MCC: variants seen among roughly 807,000 people sequenced by gnomAD.
MCC encodes colorectal mutant cancer protein.
A neutral mutation model predicts 116.2 loss-of-function variants in MCC; 90 were observed. The ratio of observed to expected loss-of-function variants is 0.77; its 90% CI spans 0.65 to 0.92. MCC has a LOEUF of 0.92. Among genes scored for constraint, MCC ranks in the 40% least tolerant of loss-of-function variants. The pLI is 0.00. For missense variants in MCC, 1,516 were observed against 1,312.2 expected, an observed-to-expected ratio of 1.16 and a Z score of -2.40; for synonymous variants, 578 against 510.5, an observed-to-expected ratio of 1.13 and a Z score of -1.78.
chr5:113,311,092 T>C (rs920754002), intron 3 of MCC, among the ~76,000 whole-genome samples: 1 of 152,208 alleles, frequency 6.6e-6, no homozygotes, highest in Non-Finnish European at 1.5e-5. Context: ...ATCAAGCCAC[T>C]GCACTTCAGT....
intron 1 of MCC, among the ~76,000 whole-genome samples, chr5:113,465,201 G>GAA (rs35831917): frequency 3.6e-4 from 46 of 126,660 alleles, no homozygotes; most frequent in Admixed American, 2.3e-3. Flanking sequence ...GGTAGATCAA[G>GAA]AAAAAAAAAA....
At chr5:113,403,365 G>A (rs1263666528) in intron 1 of MCC, among the ~76,000 whole-genome samples, 11 of 152,094 alleles carry the variant, frequency 7.2e-5, no homozygotes, top group African/African-American at 1.4e-4. Context: ...TGCCATCAAC[G>A]TTTTATATTT....
At chr5:113,029,167 A>T in intron 17 of MCC, 111 bp from the exon 18 acceptor site, 1 of 1,054,410 alleles carries the variant, frequency 9.5e-7, no homozygotes, top group Non-Finnish European at 1.3e-6. Context: ...CAAAGCCTAA[A>T]GGCAAGGGAG....
intron 3 of MCC, among the ~76,000 whole-genome samples, chr5:113,339,479 T>C (rs186692687): frequency 4.0e-5 from 6 of 151,718 alleles, no homozygotes; most frequent in Admixed American, 2.6e-4. Flanking sequence ...TTTTTTCTGA[T>C]CCAGGATCCC....
chr5:113,453,038 T>G (rs780900879), intron 1 of MCC, among the ~76,000 whole-genome samples: 1 of 152,086 alleles, frequency 6.6e-6, no homozygotes, highest in African/African-American at 2.4e-5. Flanking sequence ...GAATAATGGG[T>G]ACTTGCTGAT....
At chr5:113,457,827 C>T (rs992398896) in intron 1 of MCC, among the ~76,000 whole-genome samples, 2 of 150,248 alleles carry the variant, frequency 1.3e-5, no homozygotes, top group Admixed American at 1.3e-4. Flanking sequence ...ATACACCAAT[C>T]GGCACTCTGT....
At chr5:113,151,466 T>C in intron 3 of MCC, 44 bp from the exon 4 acceptor site, 2 of 1,081,088 alleles carry the variant, frequency 1.8e-6, no homozygotes, top group Non-Finnish European at 2.8e-6. Flanking sequence ...GTAGCAGAGA[T>C]GTATTTCCTT....
chr5:113,062,120 T>C (rs1032760946), intron 14 of MCC, among the ~76,000 whole-genome samples: 2 of 152,150 alleles, frequency 1.3e-5, no homozygotes, highest in African/African-American at 4.8e-5. Flanking sequence ...GAGAATTGGG[T>C]GACATTGGAG....
intron 3 of MCC, among the ~76,000 whole-genome samples, chr5:113,265,535 T>C (rs1765388768): frequency 6.6e-6 from 1 of 152,210 alleles, no homozygotes; most frequent in Non-Finnish European, 1.5e-5. Context: ...GCTTCTTTTT[T>C]ACCACTATAT....
intron 3 of MCC, among the ~76,000 whole-genome samples, chr5:113,334,179 T>G (rs1347219724): frequency 6.7e-6 from 1 of 148,278 alleles, no homozygotes; most frequent in Non-Finnish European, 1.5e-5. Context: ...GTTTTATGTT[T>G]TAGAATATTT....
intron 3 of MCC, among the ~76,000 whole-genome samples, chr5:113,216,099 G>A (rs898644934): frequency 3.9e-5 from 6 of 152,174 alleles, no homozygotes; most frequent in African/African-American, 1.4e-4. Context: ...TTGGAACATA[G>A]GTATGCCCCC....
chr5:113,481,105 T>G (rs1772367002), intron 1 of MCC, among the ~76,000 whole-genome samples: 1 of 152,174 alleles, frequency 6.6e-6, no homozygotes, highest in Admixed American at 6.5e-5. Context: ...ATGAAGAAGT[T>G]TTAGAATTAT....
rs547192248 is a variant in MCC at position 113,424,132 on chromosome 5, TACACACACACACACAC to T, written c.171-38936_171-38921del. 1.2e-3 allele frequency among the ~76,000 whole-genome samples: 138 copies of T among 112,704 alleles called. 1 individual carries two copies. Among genetic ancestry groups the T allele is most frequent in the Admixed American group, 3.6e-3 (39 of 10,892 alleles). 73.9% of individuals were successfully genotyped at this position (112,704 alleles called of 152,430 possible). ...TCCCACTGGTCAAAAAGTCATCCTC[TACACACACACACACAC>T]ACACACACACACACACACACACACA... On this transcript the variant is annotated intron_variant, in intron 1 of 18. Transcript: ENST00000408903.
At chr5:113,055,938 G>T (rs6882115) in intron 14 of MCC, among the ~76,000 whole-genome samples, 148,945 of 152,308 alleles carry the variant, frequency 0.98, 72,837 homozygotes, top group East Asian at 1. Context: ...GACTCAGGAT[G>T]GCAACATCAA....
chr5:113,381,966 T>A (rs1252691450), intron 2 of MCC, among the ~76,000 whole-genome samples: 1 of 151,022 alleles, frequency 6.6e-6, no homozygotes, highest in South Asian at 2.1e-4. Context: ...CATGAAGGAG[T>A]GGTCAGCTGG....
rs530947573 is a variant in MCC at position 113,034,965 on chromosome 5, T to C, written c.2757-5909A>G. The stretch of plus-strand genomic sequence containing the variant: ...TAGGACTTGGGCCTGGCCTGTATTT[T>C]ATCTTATCCTTTTCTCTAATGGACT... On this transcript the variant is annotated intron_variant, in intron 17 of 18. Transcript: ENST00000408903. Among the ~76,000 whole-genome samples the C allele has an allele frequency of 2.0e-5, 3 of 152,340 alleles. No homozygotes were observed. In the South Asian group the frequency reaches 6.2e-4, roughly 32 times the overall value.
At chr5:113,197,934 GACT>G (rs1762493764) in intron 3 of MCC, among the ~76,000 whole-genome samples, 1 of 152,212 alleles carries the variant, frequency 6.6e-6, no homozygotes, top group Non-Finnish European at 1.5e-5. Context: ...CGTGTCATGT[GACT>G]ACAAGAGTGA....
At chr5:113,273,979 C>A (rs1298649505) in intron 3 of MCC, among the ~76,000 whole-genome samples, 1 of 152,222 alleles carries the variant, frequency 6.6e-6, no homozygotes, top group African/African-American at 2.4e-5. Context: ...GTATGACTGA[C>A]ATTCAGGGAA....
intron 3 of MCC, among the ~76,000 whole-genome samples, chr5:113,287,799 A>AATAAAGT (rs1766322293): frequency 6.6e-6 from 1 of 152,192 alleles, no homozygotes; most frequent in Non-Finnish European, 1.5e-5. Context: ...ACTCTAGATA[A>AATAAAGT]GTGTGCCCAC....
Sources: gnomAD v4.1 joint callset for allele counts (sites outside exome capture counted in the v4.1 genomes callset) on GRCh38, gnomAD v4.1.1 for gene constraint, MANE v1.5 for transcripts, NCBI Gene and HGNC (gene_info 2026-07-23, HGNC 2026-07-21) for gene names.